Variants in CAST observed in about 807,000 individuals in gnomAD.
CAST encodes calpastatin, also known as MIR583 host.
A neutral mutation model predicts 119.6 loss-of-function variants in CAST; 76 were observed. The ratio of observed to expected loss-of-function variants is 0.64; its 90% confidence interval spans 0.53 to 0.77. The LOEUF is 0.77. CAST is among the 30% of genes least tolerant of loss of function. The pLI is 0.00. For missense variants in CAST, 953 were observed against 946.5 expected, an observed-to-expected ratio of 1.01 and a Z score of -0.09; for synonymous variants, 319 against 331.6, an observed-to-expected ratio of 0.96 and a Z score of 0.41.
intron 1 of CAST, among the ~76,000 whole-genome samples, chr5:96,626,038 G>A (rs948951369): frequency 1.7e-4 from 26 of 152,178 alleles, no homozygotes; most frequent in African/African-American, 6.0e-4. Context: ...TGTCCGCCTT[G>A]TCCTCCCTCT....
intron 8 of CAST, among the ~76,000 whole-genome samples, chr5:96,729,938 C>G (rs1255584143): frequency 6.6e-6 from 1 of 152,142 alleles, no homozygotes; most frequent in Non-Finnish European, 1.5e-5. Context: ...TCAGATTGGT[C>G]TAGGGGATGC....
the CAST span, among the ~76,000 whole-genome samples, chr5:96,303,747 G>A: frequency 1.3e-5 from 2 of 152,082 alleles, no homozygotes; most frequent in South Asian, 2.1e-4. Context: ...GAGGTTTCTA[G>A]CTTCATCCAT....
At chr5:96,685,467 G>A (rs150428866) in intron 2 of CAST, among the ~76,000 whole-genome samples, 24 of 152,054 alleles carry the variant, frequency 1.6e-4, no homozygotes, top group African/African-American at 4.6e-4. Context: ...GATTCTTATC[G>A]TAATGTCAAT....
chr5:96,443,869 A>G, the CAST span, among the ~76,000 whole-genome samples: 2 of 152,238 alleles, frequency 1.3e-5, no homozygotes, highest in South Asian at 2.1e-4. Flanking sequence ...AACTACATGC[A>G]TATTTTAGGG....
the CAST span, among the ~76,000 whole-genome samples, chr5:96,139,695 T>C: frequency 1.3e-5 from 2 of 151,954 alleles, no homozygotes; most frequent in South Asian, 4.1e-4. Context: ...GTGGCCAGGA[T>C]ATAGCTCCAT....
At chr5:96,541,869 A>G (rs4869290) in intron 1 of CAST, among the ~76,000 whole-genome samples, 98,269 of 152,072 alleles carry the variant, frequency 0.65, 31,983 homozygotes, top group East Asian at 0.86. Flanking sequence ...GCTCATCTAT[A>G]GAAGAACATC....
intron 1 of CAST, among the ~76,000 whole-genome samples, chr5:96,652,053 A>G (rs1748101126): frequency 6.6e-6 from 1 of 152,212 alleles, no homozygotes; most frequent in Non-Finnish European, 1.5e-5. Context: ...CTTCCTAAGC[A>G]CTTACTGCTA....
chr5:96,231,795 A>G, the CAST span, among the ~76,000 whole-genome samples: 2 of 152,146 alleles, frequency 1.3e-5, no homozygotes, highest in Non-Finnish European at 2.9e-5. Flanking sequence ...AAAAAAGCAC[A>G]TTGAATTTTG....
At chr5:96,645,955 T>C (rs1457585975) in intron 1 of CAST, among the ~76,000 whole-genome samples, 4 of 151,822 alleles carry the variant, frequency 2.6e-5, no homozygotes, top group African/African-American at 9.7e-5. Flanking sequence ...AACAATTCAA[T>C]AGAAACATGG....
At chr5:96,016,146 C>T in the CAST span, among the ~76,000 whole-genome samples, 1 of 152,224 alleles carries the variant, frequency 6.6e-6, no homozygotes, top group African/African-American at 2.4e-5. Flanking sequence ...TCAGCCTGCC[C>T]TTCATGATGG....
chr5:96,496,354 T>C, the CAST span, among the ~76,000 whole-genome samples: 3 of 152,218 alleles, frequency 2.0e-5, no homozygotes, highest in Non-Finnish European at 2.9e-5. Flanking sequence ...GAAAAACTTT[T>C]CTTTTTGTTG....
the CAST span, among the ~76,000 whole-genome samples, chr5:96,294,638 T>C: frequency 1.3e-5 from 2 of 152,262 alleles, no homozygotes; most frequent in Non-Finnish European, 2.9e-5. Flanking sequence ...GATCTTTCAA[T>C]ATTTTTGCAA....
the CAST span, among the ~76,000 whole-genome samples, chr5:96,325,610 G>C: frequency 5.3e-5 from 8 of 152,022 alleles, no homozygotes; most frequent in African/African-American, 1.9e-4. Flanking sequence ...CTCCCAAGTA[G>C]CTGGGACTAC....
chr5:96,664,956 TCTC>T (rs747487876), intron 1 of CAST, among the ~76,000 whole-genome samples: 5 of 152,182 alleles, frequency 3.3e-5, no homozygotes, highest in Non-Finnish European at 5.9e-5. Context: ...ACATCAAAAT[TCTC>T]CTTCCAGACT....
the CAST span, among the ~76,000 whole-genome samples, chr5:96,453,273 C>T: frequency 6.6e-6 from 1 of 152,114 alleles, no homozygotes; most frequent in Non-Finnish European, 1.5e-5. Flanking sequence ...GTTTTGAACT[C>T]TTTTGGCATT....
intron 10 of CAST, among the ~76,000 whole-genome samples, chr5:96,736,687 GAC>G (rs1156951354): frequency 6.6e-6 from 1 of 150,928 alleles, no homozygotes; most frequent in Non-Finnish European, 1.5e-5. Context: ...AAAAAAAAAA[GAC>G]AATTTAAATA....
chr5:96,155,924 G>C, the CAST span, among the ~76,000 whole-genome samples: 1 of 152,214 alleles, frequency 6.6e-6, no homozygotes, highest in Non-Finnish European at 1.5e-5. Flanking sequence ...TAGGTAGAGA[G>C]AGTCCTAAAG....
At chr5:96,002,186 A>G in the CAST span, among the ~76,000 whole-genome samples, 2 of 152,368 alleles carry the variant, frequency 1.3e-5, no homozygotes, top group Non-Finnish European at 1.5e-5. Context: ...ATGCGTTTTG[A>G]AAAGGCCTTG....
intron 20 of CAST, among the ~76,000 whole-genome samples, chr5:96,751,081 C>A (rs1485905920): frequency 2.0e-5 from 3 of 152,136 alleles, no homozygotes; most frequent in African/African-American, 7.2e-5. Flanking sequence ...ACTCTTCCCA[C>A]TGCAGGAGGT....
Sources: allele counts gnomAD v4.1 joint callset (sites outside exome capture counted in the v4.1 genomes callset), GRCh38; gene constraint gnomAD v4.1.1; transcripts MANE v1.5; gene names NCBI Gene and HGNC (gene_info 2026-07-23, HGNC 2026-07-21).